The following AUTS2 variants were observed in gnomAD, a reference collection of about 807,000 sequenced individuals.
The protein encoded by AUTS2 is autism susceptibility gene 2 protein.
AUTS2 carries 17 observed loss-of-function variants against 112.4 expected under a neutral mutation model. The observed-to-expected ratio is 0.15, with a 90% CI of 0.10 to 0.23. The LOEUF (loss-of-function observed/expected upper bound fraction) is 0.23. Ranked by LOEUF, AUTS2 falls within the 10% of genes least tolerant of loss-of-function variation. The pLI, the probability that AUTS2 is intolerant of heterozygous loss-of-function variation, is 1.00. For missense variants in AUTS2, 1,510 were observed against 1,701.6 expected, an observed-to-expected ratio of 0.89 and a Z score of 1.98; for synonymous variants, 751 against 702.7, an observed-to-expected ratio of 1.07 and a Z score of -1.09.
At chr7:70,623,192 G>A (rs1027294895) in intron 5 of AUTS2, among the ~76,000 whole-genome samples, 6 of 152,170 alleles carry the variant, frequency 3.9e-5, no homozygotes, top group African/African-American at 1.4e-4. Flanking sequence ...GCGTTTGGCA[G>A]GCATTCTACA....
At chr7:69,940,470 A>G (rs1274744529) in intron 2 of AUTS2, among the ~76,000 whole-genome samples, 1 of 152,204 alleles carries the variant, frequency 6.6e-6, no homozygotes, top group African/African-American at 2.4e-5. Flanking sequence ...ATTTGGAGGA[A>G]CAACAGAGAG....
chr7:69,903,598 G>A (rs1019029021), intron 2 of AUTS2, among the ~76,000 whole-genome samples: 9 of 152,190 alleles, frequency 5.9e-5, no homozygotes, highest in Non-Finnish European at 1.2e-4. Flanking sequence ...TAGGTTATAT[G>A]AACTCTTCTA....
At chr7:70,648,641 G>A (rs933958984) in intron 5 of AUTS2, among the ~76,000 whole-genome samples, 3 of 152,112 alleles carry the variant, frequency 2.0e-5, no homozygotes, top group African/African-American at 7.2e-5. Flanking sequence ...GAGTGCAGTG[G>A]CGTAATCTTG....
At chr7:69,864,121 T>G (rs1191298218) in intron 1 of AUTS2, among the ~76,000 whole-genome samples, 1 of 152,192 alleles carries the variant, frequency 6.6e-6, no homozygotes, top group Non-Finnish European at 1.5e-5. Flanking sequence ...AAACCAAGAT[T>G]TAGAGCATGT....
At chr7:70,243,473 G>A (rs1439352015) in intron 4 of AUTS2, among the ~76,000 whole-genome samples, 2 of 151,998 alleles carry the variant, frequency 1.3e-5, no homozygotes, top group African/African-American at 4.8e-5. Flanking sequence ...CATTAGTTTA[G>A]TACATGATAA....
intron 4 of AUTS2, among the ~76,000 whole-genome samples, chr7:70,383,407 AC>A (rs1793461781): frequency 6.6e-6 from 1 of 152,200 alleles, no homozygotes; most frequent in African/African-American, 2.4e-5. Flanking sequence ...TTTAAAAAAA[AC>A]AATTATTACT....
chr7:70,431,681 G>A (rs1163981105), intron 4 of AUTS2, among the ~76,000 whole-genome samples: 4 of 152,204 alleles, frequency 2.6e-5, no homozygotes, highest in Admixed American at 6.5e-5. Context: ...CCCGTCACCC[G>A]GCCGTAAATT....
Position 70,789,810 on chromosome 7 carries a change from C to G in AUTS2, c.2594C>G (p.Ala865Gly). ...CCAGCACCTGTCCTCCCGGTGAATG[C>G]CCTGGGACATACCCGCAGCTCCACT... ...PSPAPVLPVNALGHTRSSTEQ... is the reference protein window; with the variant it reads ...PSPAPVLPVNGLGHTRSSTEQ... Residue 865 changes from alanine to glycine, a missense_variant, in exon 19 of 19, where the codon GCC becomes GGC. Ala to Gly is a moderately conservative substitution (Grantham distance 60, BLOSUM62 0). This residue lies in a region of AUTS2 where 788 missense variants were observed against 797.6 expected (regional missense o/e 0.99). Coordinates refer to ENST00000342771, the MANE Select transcript of AUTS2 (RefSeq NM_015570.4). The G allele has an allele frequency of 6.2e-7, 1 of 1,614,170 alleles. No individual in the cohort carries two copies. The highest frequency in any genetic ancestry group is 1.1e-5 in the South Asian group (1 of 91,088).
chr7:70,222,028 A>G (rs958109808), intron 4 of AUTS2, among the ~76,000 whole-genome samples: 2 of 152,246 alleles, frequency 1.3e-5, no homozygotes, highest in Non-Finnish European at 2.9e-5. Context: ...TGATTAAGGA[A>G]AACATAAAAT....
At chr7:70,710,556 A>G (rs973819819) in intron 6 of AUTS2, among the ~76,000 whole-genome samples, 3 of 152,202 alleles carry the variant, frequency 2.0e-5, no homozygotes, top group African/African-American at 4.8e-5. Context: ...TCAGTGCTGC[A>G]TTTGCTGTTT....
At position 70,558,982 on chromosome 7, in the gene AUTS2, T is replaced by A. The variant is rs534149992; in HGVS notation, c.690+123201T>A. ...TCTCACCTTGAATCGCACCTTGAAT[T>A]GTAATAATCCCCATACGTTGTGGGA... On this transcript the variant is annotated intron_variant, in intron 5 of 18. Coordinates refer to ENST00000342771, the MANE Select transcript of AUTS2 (RefSeq NM_015570.4). Among the ~76,000 whole-genome samples the A allele has an allele frequency of 3.3e-5, 5 of 152,326 alleles. No individual in the cohort carries two copies. The East Asian group carries it at 9.7e-4, about 29-fold the overall frequency.
intron 4 of AUTS2, among the ~76,000 whole-genome samples, chr7:70,344,230 G>A (rs1585039410): frequency 6.6e-6 from 1 of 152,062 alleles, no homozygotes; most frequent in East Asian, 1.9e-4. Context: ...TGGAAATATG[G>A]CAGACATGGC....
chr7:70,452,165 AT>A (rs750534713), intron 5 of AUTS2, among the ~76,000 whole-genome samples: 6 of 152,082 alleles, frequency 3.9e-5, no homozygotes, highest in Non-Finnish European at 7.4e-5. Context: ...TAGATATAAA[AT>A]ACCTAGAATT....
At chr7:70,741,615 C>T (rs550514124) in intron 6 of AUTS2, among the ~76,000 whole-genome samples, 9 of 151,160 alleles carry the variant, frequency 6.0e-5, no homozygotes, top group South Asian at 2.1e-4. Context: ...TGCTTGAACC[C>T]GGGAGGCGGA....
chr7:70,635,465 C>G (rs1417481422), intron 5 of AUTS2, among the ~76,000 whole-genome samples: 1 of 152,200 alleles, frequency 6.6e-6, no homozygotes, highest in Admixed American at 6.5e-5. Flanking sequence ...TCCCCACAGC[C>G]CGTCCCAGGC....
At chr7:70,598,292 C>T (rs983240042) in intron 5 of AUTS2, among the ~76,000 whole-genome samples, 4 of 152,128 alleles carry the variant, frequency 2.6e-5, no homozygotes, top group African/African-American at 7.2e-5. Context: ...TCCAGAACCA[C>T]GGTTTCTCAG....
chr7:70,003,405 A>ATATATATGAATATGT (rs796403734), intron 2 of AUTS2, among the ~76,000 whole-genome samples: 7,722 of 112,492 alleles, frequency 0.069, 626 homozygotes, highest in Middle Eastern at 0.12. Flanking sequence ...AATATATATA[A>ATATATATGAATATGT]TATATATGAA....
intron 2 of AUTS2, among the ~76,000 whole-genome samples, chr7:70,040,953 G>A (rs574718066): frequency 5.3e-5 from 8 of 152,284 alleles, no homozygotes; most frequent in African/African-American, 1.4e-4. Flanking sequence ...ATACTAACTT[G>A]ATTGTAAACA....
chr7:70,099,363 TC>T (rs1372727823), intron 2 of AUTS2, among the ~76,000 whole-genome samples: 2 of 152,178 alleles, frequency 1.3e-5, no homozygotes, highest in East Asian at 3.9e-4. Context: ...AGGTTAAAAT[TC>T]TTGGATCTTA....
Sources: allele counts gnomAD v4.1 joint callset (sites outside exome capture counted in the v4.1 genomes callset), GRCh38; gene constraint gnomAD v4.1.1; regional missense constraint gnomAD v4.1.1; transcripts MANE v1.5; gene names NCBI Gene and HGNC (gene_info 2026-07-23, HGNC 2026-07-21).